The following LCLAT1 variants were observed in gnomAD, a reference collection of about 807,000 sequenced individuals.
LCLAT1 encodes 1-AGP acyltransferase 8.
In LCLAT1, 11 loss-of-function variants were observed where a neutral mutation model predicts 30.7. That is an observed-to-expected ratio of 0.36 (90% CI 0.23 to 0.59). The LOEUF is 0.59. LCLAT1 is among the 20% of genes least tolerant of loss of function. LCLAT1 has a pLI of 0.77. For missense variants in LCLAT1, 402 were observed against 458.6 expected (o/e 0.88, Z 1.13); for synonymous variants, 155 against 151.3 (o/e 1.02, Z -0.18).
intron 5 of LCLAT1, among the ~76,000 whole-genome samples, chr2:30,616,442 T>A (rs1667995609): frequency 6.6e-6 from 1 of 152,186 alleles, no homozygotes; most frequent in African/African-American, 2.4e-5. Flanking sequence ...GCCCTGCTAC[T>A]ACTGTAGTAA....
At chr2:30,611,956 A>G (rs1409067528) in intron 5 of LCLAT1, among the ~76,000 whole-genome samples, 1 of 152,058 alleles carries the variant, frequency 6.6e-6, no homozygotes, top group African/African-American at 2.4e-5. Flanking sequence ...AGCTCTGTGA[A>G]ATTTTTTTCA....
chr2:30,517,995 G>C (rs1685271567), intron 1 of LCLAT1, among the ~76,000 whole-genome samples: 1 of 152,144 alleles, frequency 6.6e-6, no homozygotes, highest in Admixed American at 6.5e-5. Flanking sequence ...ATAACCCACA[G>C]ATGGCTCAAA....
At chr2:30,576,775 C>T (rs1351087241) in intron 5 of LCLAT1, among the ~76,000 whole-genome samples, 1 of 151,880 alleles carries the variant, frequency 6.6e-6, no homozygotes, top group Non-Finnish European at 1.5e-5. Flanking sequence ...TGTGCCTTTT[C>T]TTTTAGCTTT....
chr2:30,635,644 T>C (rs1668986913), intron 5 of LCLAT1, among the ~76,000 whole-genome samples: 1 of 152,170 alleles, frequency 6.6e-6, no homozygotes, highest in African/African-American at 2.4e-5. Flanking sequence ...AAGATTGTTA[T>C]AATTCTTTCA....
chr2:30,520,831 C>CT (rs1253248601), intron 1 of LCLAT1, among the ~76,000 whole-genome samples: 1 of 152,050 alleles, frequency 6.6e-6, no homozygotes. Flanking sequence ...GTAAAGTTCA[C>CT]TTTTTTAAAA....
At chr2:30,633,919 A>G (rs968559349) in intron 5 of LCLAT1, among the ~76,000 whole-genome samples, 16 of 152,204 alleles carry the variant, frequency 1.1e-4, no homozygotes, top group African/African-American at 3.1e-4. Context: ...CTTTTGTTTT[A>G]AACGTACAGA....
intron 1 of LCLAT1, among the ~76,000 whole-genome samples, chr2:30,480,126 A>G (rs931720135): frequency 6.6e-6 from 1 of 152,224 alleles, no homozygotes; most frequent in Non-Finnish European, 1.5e-5. Context: ...TATTTGTTGT[A>G]TTAGTATTCT....
intron 1 of LCLAT1, among the ~76,000 whole-genome samples, chr2:30,487,541 C>T (rs1336846938): frequency 6.6e-6 from 1 of 152,116 alleles, no homozygotes; most frequent in East Asian, 1.9e-4. Flanking sequence ...CTAAAATCTG[C>T]CTTTCAGAGT....
At chr2:30,489,089 C>G (rs1683704738) in intron 1 of LCLAT1, 1 of 152,156 alleles carries the variant, frequency 6.6e-6, no homozygotes, top group Non-Finnish European at 1.5e-5. Flanking sequence ...GACTATAGAT[C>G]TAGCCCTAGA....
At chr2:30,560,935 C>T (rs982065478) in intron 3 of LCLAT1, among the ~76,000 whole-genome samples, 7 of 152,048 alleles carry the variant, frequency 4.6e-5, no homozygotes, top group East Asian at 1.9e-4. Context: ...CCTTCACTCT[C>T]ATATGCTTTT....
chr2:30,520,704 T>C (rs1685432436), intron 1 of LCLAT1, among the ~76,000 whole-genome samples: 2 of 152,222 alleles, frequency 1.3e-5, no homozygotes, highest in Non-Finnish European at 2.9e-5. Context: ...GGTGTTACTA[T>C]AGTTGAAATA....
At chr2:30,636,950 A>G (rs1669062023) in intron 5 of LCLAT1, among the ~76,000 whole-genome samples, 2 of 152,222 alleles carry the variant, frequency 1.3e-5, no homozygotes, top group African/African-American at 4.8e-5. Context: ...CTGTTGTGAA[A>G]GGTGATACTG....
intron 5 of LCLAT1, among the ~76,000 whole-genome samples, chr2:30,576,022 GTTC>G (rs1665980690): frequency 6.6e-6 from 1 of 151,976 alleles, no homozygotes; most frequent in Admixed American, 6.6e-5. Flanking sequence ...GAAAATATAT[GTTC>G]TTTATTAGAT....
At chr2:30,507,501 C>G (rs757519353) in intron 1 of LCLAT1, among the ~76,000 whole-genome samples, 1 of 152,016 alleles carries the variant, frequency 6.6e-6, no homozygotes, top group African/African-American at 2.4e-5. Flanking sequence ...CCCCAGTGTC[C>G]CCTCTGTGTG....
chr2:30,560,263 A>AC (rs1162723659), intron 3 of LCLAT1, among the ~76,000 whole-genome samples: 1 of 150,690 alleles, frequency 6.6e-6, no homozygotes, highest in Non-Finnish European at 1.5e-5. Flanking sequence ...GTTTGGACTT[A>AC]CCCAGGCCAA....
intron 1 of LCLAT1, among the ~76,000 whole-genome samples, chr2:30,489,825 G>C (rs1391565397): frequency 6.6e-6 from 1 of 152,210 alleles, no homozygotes; most frequent in East Asian, 1.9e-4. Context: ...AGTTGCTTCT[G>C]TACAAGCAAC....
At chr2:30,476,620 C>T (rs1336137298) in intron 1 of LCLAT1, 5 of 430,744 alleles carry the variant, frequency 1.2e-5, no homozygotes, top group South Asian at 1.7e-5. Flanking sequence ...GAACGCTCGC[C>T]GATTCTACCA....
intron 1 of LCLAT1, among the ~76,000 whole-genome samples, chr2:30,513,599 C>G (rs1685039210): frequency 6.6e-6 from 1 of 152,026 alleles, no homozygotes; most frequent in East Asian, 1.9e-4. Context: ...GGATTCTTTT[C>G]TCTGTGAAAA....
At chr2:30,539,295 C>A (rs921151596) in intron 3 of LCLAT1, among the ~76,000 whole-genome samples, 1 of 131,540 alleles carries the variant, frequency 7.6e-6, no homozygotes, top group Non-Finnish European at 1.6e-5. Flanking sequence ...CACTCTCACA[C>A]ATGCTAGAGT....
Sources: gnomAD v4.1 joint callset for allele counts (sites outside exome capture counted in the v4.1 genomes callset) on GRCh38, gnomAD v4.1.1 for gene constraint, MANE v1.5 for transcripts, NCBI Gene and HGNC (gene_info 2026-07-23, HGNC 2026-07-21) for gene names.